Variants in MAPKAPK3 observed in about 807,000 individuals in gnomAD.
MAPKAPK3 encodes the protein MAP kinase-activated protein kinase 3.
Under a neutral mutation model 49.2 loss-of-function variants are expected in MAPKAPK3, and 35 were observed. The observed-to-expected ratio is 0.71, with a 90% CI of 0.54 to 0.94. MAPKAPK3 has a LOEUF of 0.94. Ranked by LOEUF, MAPKAPK3 falls within the 40% of genes least tolerant of loss-of-function variation. The probability of loss-of-function intolerance (pLI) is 0.00; values close to 1 mark genes in which losing one functional copy is unlikely to be tolerated. For missense variants in MAPKAPK3, 398 were observed against 493.1 expected, an observed-to-expected ratio of 0.81 and a Z score of 1.83; for synonymous variants, 178 against 188.7, an observed-to-expected ratio of 0.94 and a Z score of 0.46.
At chr3:50,623,873 C>A (rs1279422030) in intron 2 of MAPKAPK3, among the ~76,000 whole-genome samples, 1 of 152,218 alleles carries the variant, frequency 6.6e-6, no homozygotes, top group African/African-American at 2.4e-5. Context: ...CACTGGGAGC[C>A]CTGGCAGCCC....
At chr3:50,641,634 T>A (rs1204475879) in intron 3 of MAPKAPK3, 73 bp from the exon 4 acceptor site, 1 of 1,232,608 alleles carries the variant, frequency 8.1e-7, no homozygotes, top group Non-Finnish European at 1.2e-6. Flanking sequence ...CCTGGGCCTA[T>A]GATTTGGGGC....
At chr3:50,632,540 C>A (rs535490243) in intron 2 of MAPKAPK3, among the ~76,000 whole-genome samples, 1 of 152,314 alleles carries the variant, frequency 6.6e-6, no homozygotes, top group African/African-American at 2.4e-5. Context: ...GTGAGAGGAA[C>A]TAGATCCTTG....
intron 2 of MAPKAPK3, among the ~76,000 whole-genome samples, chr3:50,631,928 AG>A (rs1196819501): frequency 6.6e-6 from 1 of 152,200 alleles, no homozygotes; most frequent in African/African-American, 2.4e-5. Context: ...TGAGACCCTT[AG>A]GTGGGACAGG....
At chr3:50,643,239 T>C (rs1290163809) in intron 5 of MAPKAPK3, among the ~76,000 whole-genome samples, 1 of 152,224 alleles carries the variant, frequency 6.6e-6, no homozygotes, top group Non-Finnish European at 1.5e-5. Context: ...AGCCATTTGC[T>C]GAGCCCTGGA....
At chr3:50,614,500 AGTGTGTGTGTGTGTGTGTGT>A (rs3066739), upstream of MAPKAPK3, among the ~76,000 whole-genome samples, 3 of 138,946 alleles carry the variant, frequency 2.2e-5, no homozygotes, top group Admixed American at 7.1e-5. Context: ...GTAAGGACAG[AGTGTGTGTGTGTGTGTGTGT>A]GTGTGTGTGT....
rs2170840 is a variant in MAPKAPK3, at chr3:50,649,086, C to A, written c.*1040C>A. 132,544 of 152,272 alleles carry A rather than the reference C, an allele frequency of 0.87. 59,406 individuals are homozygous for A. The highest frequency in any genetic ancestry group is 0.99 in the Non-Finnish European group (67,399 of 68,106). The allele number at this position is 152,272 out of a possible 1,614,324, so 9.4% of individuals were successfully genotyped here. A position where few individuals can be genotyped will look rare whatever the true frequency, so the allele number is the denominator to read the frequency against. On this transcript the variant is annotated 3_prime_UTR_variant, in exon 11 of 11. Coordinates refer to ENST00000621469, the MANE Select transcript of MAPKAPK3 (RefSeq NM_001243925.2). ...CTGAGTAGGGCAGAGAGGGCCTTTC[C>A]TGGCTGATCAGAGCTTACCAGCCCC...
In MAPKAPK3 at chr3:50,646,226, G is replaced by T. The variant is rs761866056; in HGVS notation, c.791G>T (p.Gly264Val). The T allele has an allele frequency of 3.1e-6, 5 of 1,614,174 alleles. No homozygotes were observed. The highest frequency in any genetic ancestry group is 4.2e-6 in the Non-Finnish European group (5 of 1,180,038). ...MKRRIRLGQY[G>V]FPNPEWSEVS... is the part of the protein sequence containing the mutation. ...AGGAGGATTCGCCTGGGCCAGTACG[G>T]CTTCCCCAATCCTGAGTGGTCAGAA... The change falls in exon 8 of 11, where the codon GGC becomes GTC. Residue 264 changes from glycine to valine, a missense_variant. Around this residue, in one of 5 missense-constraint regions of MAPKAPK3, gnomAD observed 152 missense variants for 177.3 expected, o/e 0.86. Coordinates refer to ENST00000621469, the MANE Select transcript of MAPKAPK3 (RefSeq NM_001243925.2).
At position 50,638,202 on chromosome 3, in the gene MAPKAPK3, G is replaced by C. The variant is rs2033088167; in HGVS notation, c.220-2164G>C. On this transcript the variant is annotated intron_variant, in intron 2 of 10. Coordinates refer to ENST00000621469, the MANE Select transcript of MAPKAPK3 (RefSeq NM_001243925.2). ...CAGCCTGGGAGGCCTGACAGGAGAT[G>C]GTCAGGTCAGACTGGGGAGGAGAGA... Among the ~76,000 whole-genome samples the C allele has an allele frequency of 2.6e-5, 4 of 152,120 alleles. No homozygotes were observed. The South Asian group carries it at 8.3e-4, about 32-fold the overall frequency.
chr3:50,641,679 T>C, intron 3 of MAPKAPK3, 28 bp from the exon 4 acceptor site: 1 of 1,600,664 alleles, frequency 6.2e-7, no homozygotes. Context: ...AGTTTCCCCC[T>C]CTCTGCTTAT....
intron 2 of MAPKAPK3, 70 bp from the exon 3 acceptor site, chr3:50,640,296 T>G (rs780172518): frequency 2.6e-5 from 39 of 1,509,462 alleles, no homozygotes; most frequent in Admixed American, 1.3e-4. Context: ...TCAGAGCTTA[T>G]ATGTTTTTGT....
chr3:50,646,813 C>A lies in MAPKAPK3; in HGVS notation c.903C>A (p.His301Gln), dbSNP rs759419783. 5 of 1,613,876 alleles carry A rather than the reference C, an allele frequency of 3.1e-6. No homozygotes were observed. Among genetic ancestry groups the A allele is most frequent in the Non-Finnish European group, 4.2e-6 (5 of 1,179,994 alleles). ...TGACCATCACTCAGTTCATGAACCACCCCTGGATCAACGTGAGCCCCTCCT... is the reference window on the plus strand; with the variant it reads ...TGACCATCACTCAGTTCATGAACCAACCCTGGATCAACGTGAGCCCCTCCT... ...ERLTITQFMNHPWINQSMVVP... is the reference protein window; with the variant it reads ...ERLTITQFMNQPWINQSMVVP... Residue 301 changes from histidine (H) to glutamine (Q), a missense_variant, in exon 9 of 11, where the codon CAC becomes CAA. By Grantham distance (24) the His-to-Gln change is conservative. This residue lies in a region of MAPKAPK3 where 152 missense variants were observed against 177.3 expected (regional missense o/e 0.86). Transcript: ENST00000621469.
upstream of MAPKAPK3, among the ~76,000 whole-genome samples, chr3:50,615,445 T>C (rs535734554): frequency 1.8e-4 from 27 of 152,264 alleles, no homozygotes; most frequent in South Asian, 5.6e-3. Context: ...GAGAGTATGT[T>C]TGCACATGTG....
intron 2 of MAPKAPK3, among the ~76,000 whole-genome samples, chr3:50,633,325 C>T (rs1183880799): frequency 6.6e-6 from 1 of 152,006 alleles, no homozygotes; most frequent in East Asian, 1.9e-4. Context: ...ACTGGAGACA[C>T]ACATATGCCC....
Position 50,644,427 on chromosome 3 carries a change from A to C in MAPKAPK3, c.523A>C (p.Thr175Pro). The change falls in exon 6 of 11, where the codon ACA (threonine) becomes CCA (proline). Residue 175 changes from threonine (T) to proline (P), a missense_variant. Coordinates refer to ENST00000621469, the MANE Select transcript of MAPKAPK3 (RefSeq NM_001243925.2). The stretch of plus-strand genomic sequence containing the variant: ...GGCCCAGCCTGAAAACCTACTCTAC[A>C]CATCTAAGGAGAAAGACGCAGTGCT... ...RDVKPENLLY[T>P]SKEKDAVLKL... is the part of the protein sequence containing the mutation. The C allele has an allele frequency of 6.2e-7, 1 of 1,614,090 alleles. No individual in the cohort carries two copies. The highest frequency in any genetic ancestry group is 8.5e-7 in the Non-Finnish European group (1 of 1,180,002).
intron 2 of MAPKAPK3, among the ~76,000 whole-genome samples, chr3:50,620,395 G>A (rs375544): frequency 0.77 from 117,768 of 152,082 alleles, 46,847 homozygotes; most frequent in Middle Eastern, 0.89. Flanking sequence ...CCCTGGTGAT[G>A]TACTCCAGGT....
chr3:50,648,233 A>G lies in MAPKAPK3; in HGVS notation c.*187A>G. 1.6e-6 allele frequency: 1 copy of G among 631,896 alleles called. No homozygotes were observed. The highest frequency in any genetic ancestry group is 3.0e-5 in the East Asian group (1 of 33,346). 39.1% of individuals were successfully genotyped at this position (631,896 alleles called of 1,614,324 possible). A position where few individuals can be genotyped will look rare whatever the true frequency, so the allele number is the denominator to read the frequency against. On this transcript the variant is annotated 3_prime_UTR_variant, in exon 11 of 11. Transcript: ENST00000621469. ...TAAACCTCCTTCAGATCTCTGGCCC[A>G]GGCTCAAGCCCTAGAGATGGGCAGG... is the stretch of plus-strand genomic sequence containing the variant.
intron 2 of MAPKAPK3, among the ~76,000 whole-genome samples, chr3:50,627,840 A>G (rs2032799947): frequency 6.6e-6 from 1 of 152,138 alleles, no homozygotes; most frequent in South Asian, 2.1e-4. Flanking sequence ...CCAGGGGCCA[A>G]GGGAGACTGG....
At chr3:50,647,614 G>A (rs1248284801) in intron 10 of MAPKAPK3, among the ~76,000 whole-genome samples, 1 of 152,282 alleles carries the variant, frequency 6.6e-6, no homozygotes, top group Non-Finnish European at 1.5e-5. Flanking sequence ...TTGTGGTTCT[G>A]TGGTGGAACT....
At chr3:50,642,230 C>G in intron 4 of MAPKAPK3, 23 bp from the exon 5 acceptor site, 2 of 1,553,204 alleles carry the variant, frequency 1.3e-6, no homozygotes, top group South Asian at 2.2e-5. Flanking sequence ...CATCACTGAC[C>G]CCCTCCTCCT....
Sources: gnomAD v4.1 joint callset for allele counts (sites outside exome capture counted in the v4.1 genomes callset) on GRCh38, gnomAD v4.1.1 for gene constraint, gnomAD v4.1.1 regional missense constraint, MANE v1.5 for transcripts, NCBI Gene and HGNC (gene_info 2026-07-23, HGNC 2026-07-21) for gene names.